KCND3: variants seen among roughly 807,000 people sequenced by gnomAD.
The protein encoded by KCND3 is A-type voltage-gated potassium channel KCND3.
Under a neutral mutation model 51.1 loss-of-function variants are expected in KCND3, and 9 were observed. The observed-to-expected ratio is 0.18, with a 90% CI of 0.11 to 0.31. The LOEUF (loss-of-function observed/expected upper bound fraction) is 0.31, where lower values mean the gene tolerates loss of function less well. Ranked by LOEUF, KCND3 falls within the 10% of genes least tolerant of loss-of-function variation. KCND3 has a pLI of 1.00. For synonymous variants in KCND3, 349 were observed against 368.0 expected (o/e 0.95, Z 0.59); for missense variants, 526 against 903.8 (o/e 0.58, Z 5.36).
chr1:111,778,361 G>A (rs1190959707), intron 6 of KCND3, 75 bp downstream of exon 6: 7 of 1,376,242 alleles, frequency 5.1e-6, no homozygotes, highest in Non-Finnish European at 5.2e-6. Context: ...CAGGCCGGGG[G>A]GTAAAAAGGG....
chr1:111,823,774 G>A (rs1666453851), intron 2 of KCND3, among the ~76,000 whole-genome samples: 1 of 152,150 alleles, frequency 6.6e-6, no homozygotes, highest in South Asian at 2.1e-4. Flanking sequence ...CCCTCAGCTA[G>A]TTAGCAGCCC....
chr1:111,814,849 C>T (rs1433161744), intron 2 of KCND3, among the ~76,000 whole-genome samples: 2 of 152,256 alleles, frequency 1.3e-5, no homozygotes, highest in Admixed American at 6.5e-5. Flanking sequence ...GTTCTAGGCA[C>T]GTGCTTATCT....
chr1:111,860,485 G>A (rs751389583), intron 2 of KCND3, among the ~76,000 whole-genome samples: 26 of 152,292 alleles, frequency 1.7e-4, no homozygotes, highest in Non-Finnish European at 3.2e-4. Flanking sequence ...GGGAAGAGGT[G>A]TTCAGGAGAG....
intron 2 of KCND3, among the ~76,000 whole-genome samples, chr1:111,855,984 C>T (rs944386686): frequency 1.3e-5 from 2 of 152,166 alleles, no homozygotes; most frequent in African/African-American, 2.4e-5. Flanking sequence ...AGGGAGGCAG[C>T]CAAGGGAGTA....
At chr1:111,909,404 G>A (rs894577060) in intron 2 of KCND3, 3 of 152,190 alleles carry the variant, frequency 2.0e-5, no homozygotes, top group Non-Finnish European at 4.4e-5. Flanking sequence ...TCGGCCAAGG[G>A]ATCGAGAGTC....
chr1:111,874,681 C>A (rs2101722705), intron 2 of KCND3, among the ~76,000 whole-genome samples: 1 of 152,318 alleles, frequency 6.6e-6, no homozygotes, highest in East Asian at 1.9e-4. Context: ...AGGAGGTGAA[C>A]TCGTCAATGC....
In KCND3 at chr1:111,775,976, A is replaced by C. The variant is rs546418138; in HGVS notation, c.*101T>G. The C allele has an allele frequency of 6.1e-6, 8 of 1,305,598 alleles. No homozygotes were observed. The Admixed American group carries it at 1.4e-4, about 23-fold the overall frequency. 80.9% of individuals were successfully genotyped at this position (1,305,598 alleles called of 1,614,324 possible). ...TAGGGGTACAATGGGGCAGGCAGAA[A>C]TAGTGGGGAAAGGGGGGAGGGAGTG... On this transcript the variant is annotated 3_prime_UTR_variant, in exon 8 of 8. Transcript: ENST00000302127.
At position 111,778,369 on chromosome 1, in the gene KCND3, G is replaced by C; in HGVS notation, c.1518+67C>G. On this transcript the variant is annotated intron_variant, in intron 6 of 7. Coordinates refer to ENST00000302127, the MANE Select transcript of KCND3 (RefSeq NM_001378969.1). ...ACAGAACCAGGCCGGGGGGTAAAAA[G>C]GGGAGAATCCACAGACTCAGAATTA... 4.1e-6 allele frequency: 6 copies of C among 1,465,462 alleles called. No individual in the cohort carries two copies. In the South Asian group the frequency reaches 5.7e-5, roughly 14 times the overall value. The allele number at this position is 1,465,462 out of a possible 1,614,324, so 90.8% of individuals were successfully genotyped here.
At chr1:111,854,296 T>A (rs888175193) in intron 2 of KCND3, among the ~76,000 whole-genome samples, 2 of 152,240 alleles carry the variant, frequency 1.3e-5, no homozygotes, top group African/African-American at 2.4e-5. Context: ...ATTTGGGACA[T>A]ATTTAAACTA....
At chr1:111,936,392 A>C (rs147102385) in intron 2 of KCND3, among the ~76,000 whole-genome samples, 3 of 152,342 alleles carry the variant, frequency 2.0e-5, no homozygotes, top group South Asian at 2.1e-4. Flanking sequence ...ACAGTGCAGA[A>C]ACAGAGGACC....
At chr1:111,813,279 A>G (rs1397428220) in intron 2 of KCND3, among the ~76,000 whole-genome samples, 1 of 152,224 alleles carries the variant, frequency 6.6e-6, no homozygotes. Context: ...CAGCCTGATC[A>G]GACTCCAGTC....
intron 2 of KCND3, among the ~76,000 whole-genome samples, chr1:111,833,122 G>T (rs1305551331): frequency 6.6e-6 from 1 of 152,192 alleles, no homozygotes; most frequent in Non-Finnish European, 1.5e-5. Flanking sequence ...TTTTCTTTTT[G>T]CCAGTTTTGA....
At chr1:111,802,979 C>T (rs943985764) in intron 2 of KCND3, among the ~76,000 whole-genome samples, 3 of 152,238 alleles carry the variant, frequency 2.0e-5, no homozygotes, top group Non-Finnish European at 4.4e-5. Context: ...GTGCTGTACA[C>T]TGGCTCACCT....
In KCND3 at chr1:111,812,077, T is replaced by C. The variant is rs578214372; in HGVS notation, c.1107-24971A>G. The stretch of plus-strand genomic sequence containing the variant: ...TTAATCTTGCATCACAGGACCATAG[T>C]GATGACTGGAGGGGTGATGCTTGTG... On this transcript the variant is annotated intron_variant, in intron 2 of 7. Coordinates refer to ENST00000302127, the MANE Select transcript of KCND3 (RefSeq NM_001378969.1). Among the ~76,000 whole-genome samples, 5 of 152,252 alleles carry C rather than the reference T, an allele frequency of 3.3e-5. No homozygotes were observed. In the South Asian group the frequency reaches 1.0e-3, roughly 32 times the overall value.
chr1:111,960,095 G>A (rs1673562857), intron 2 of KCND3, among the ~76,000 whole-genome samples: 1 of 151,796 alleles, frequency 6.6e-6, no homozygotes, highest in Admixed American at 6.5e-5. Flanking sequence ...AGTTTCCTGA[G>A]GCCTCCCCAG....
chr1:111,816,109 G>C (rs780342779), intron 2 of KCND3, among the ~76,000 whole-genome samples: 34 of 152,252 alleles, frequency 2.2e-4, no homozygotes, highest in Admixed American at 5.2e-4. Flanking sequence ...CCATGTTACA[G>C]ATGAAGAAAC....
At chr1:111,815,427 T>C (rs939144441) in intron 2 of KCND3, among the ~76,000 whole-genome samples, 1 of 151,738 alleles carries the variant, frequency 6.6e-6, no homozygotes, top group African/African-American at 2.4e-5. Flanking sequence ...GACTTCCATG[T>C]CTGTCTTTGG....
At position 111,981,589 on chromosome 1, in the gene KCND3, C is replaced by T. The variant is rs772139944; in HGVS notation, c.1106+32G>A. 85 of 1,613,806 alleles carry T rather than the reference C, an allele frequency of 5.3e-5. No homozygotes were observed. Among genetic ancestry groups the T allele is most frequent in the Admixed American group, 8.3e-5 (5 of 60,014 alleles). On this transcript the variant is annotated intron_variant, in intron 2 of 7. Transcript: ENST00000302127. The surrounding 1 kb of genome is among the most constrained non-coding windows in gnomAD (Gnocchi z 6.2). ...GGTCATCCAGCTGCCCTCCAACCTC[C>T]GTCCTGGTTTCATCCACCAGCGCTG...
chr1:111,982,597 G>A lies in KCND3; in HGVS notation c.130C>T (p.Leu44Phe), dbSNP rs1449343893. Residue 44 changes from leucine (L) to phenylalanine (F), a missense_variant, in exon 2 of 8, where the codon CTC (leucine) becomes TTC (phenylalanine). Around this residue, in one of 5 missense-constraint regions of KCND3, gnomAD observed 159 missense variants for 262.8 expected, o/e 0.61. Transcript: ENST00000302127. The surrounding 1 kb of genome is among the most constrained non-coding windows in gnomAD (Gnocchi z 8.5). ...TGGAACCTCCGCCCACTCACGTTGAGGACAATCAGCTCATCCTGCCGCTTG... is the reference window on the plus strand; with the variant it reads ...TGGAACCTCCGCCCACTCACGTTGAAGACAATCAGCTCATCCTGCCGCTTG... ...KNKRQDELIV[L>F]NVSGRRFQTW... 6.2e-7 allele frequency: 1 copy of A among 1,613,810 alleles called. No homozygotes were observed. Among genetic ancestry groups the A allele is most frequent in the Non-Finnish European group, 8.5e-7 (1 of 1,179,764 alleles).
Sources: gnomAD v4.1 joint callset for allele counts (sites outside exome capture counted in the v4.1 genomes callset) on GRCh38, gnomAD v4.1.1 for gene constraint, gnomAD v4.1.1 regional missense constraint, Gnocchi (gnomAD v3.1) non-coding constraint, MANE v1.5 for transcripts, NCBI Gene and HGNC (gene_info 2026-07-23, HGNC 2026-07-21) for gene names.